Variants in KL observed in about 807,000 individuals in gnomAD.
KL encodes the protein alpha-klotho.
In KL, 62 loss-of-function variants were observed where a neutral mutation model predicts 84.2. The observed-to-expected ratio is 0.74, with a 90% CI of 0.60 to 0.91. KL has a LOEUF of 0.91. Among genes scored for constraint, KL ranks in the 40% least tolerant of loss-of-function variants. The pLI is 0.00. For missense variants in KL, 1,261 were observed against 1,305.7 expected (o/e 0.97, Z 0.53); for synonymous variants, 528 against 528.0 (o/e 1.00, Z 0.00).
Position 33,063,971 on chromosome 13 carries a change from A to C in KL, c.2824A>C (p.Lys942Gln), listed in dbSNP as rs767306568. Residue 942 changes from lysine (K) to glutamine (Q), a missense_variant, in exon 5 of 5, where the codon AAA becomes CAA. Lys to Gln is a moderately conservative substitution (Grantham distance 53). Coordinates refer to ENST00000380099, the MANE Select transcript of KL (RefSeq NM_004795.4). ...TCAGTTTGAGCCCAAGGCATCCATG[A>C]AACATTACAGGAAAATTATTGACAG... ...ADQFEPKASM[K>Q]HYRKIIDSNG... 58 of 1,614,066 alleles carry C rather than the reference A, an allele frequency of 3.6e-5. No homozygotes were observed. Among genetic ancestry groups the C allele is most frequent in the Non-Finnish European group, 4.7e-5 (56 of 1,180,038 alleles).
At chr13:33,020,601 C>T (rs1297412756) in intron 1 of KL, among the ~76,000 whole-genome samples, 2 of 152,144 alleles carry the variant, frequency 1.3e-5, no homozygotes. Flanking sequence ...ACTTTTTACT[C>T]TTCCAGTTGT....
rs761282786 is a variant in KL at position 33,061,747 on chromosome 13, T to C, written c.2668T>C (p.Tyr890His). 6.2e-7 allele frequency: 1 copy of C among 1,613,902 alleles called. No individual in the cohort carries two copies. Among genetic ancestry groups the C allele is most frequent in the Admixed American group, 1.7e-5 (1 of 59,992 alleles). Residue 890 changes from tyrosine to histidine, a missense_variant, in exon 4 of 5, where the codon TAT becomes CAT. Coordinates refer to ENST00000380099, the MANE Select transcript of KL (RefSeq NM_004795.4). ...HAEDDQLRVY[Y>H]MQNYINEALK... Reference sequence around the variant, plus strand: ...TGAGGACGACCAGCTGAGGGTGTATTATATGCAGAATTACATAAACGAAGC... The same window carrying C: ...TGAGGACGACCAGCTGAGGGTGTATCATATGCAGAATTACATAAACGAAGC...
At chr13:33,044,200 C>T (rs1343928547) in intron 1 of KL, among the ~76,000 whole-genome samples, 1 of 152,116 alleles carries the variant, frequency 6.6e-6, no homozygotes, top group South Asian at 2.1e-4. Context: ...TATCCTTATG[C>T]CAATATCACC....
rs568790896 is a variant in KL, at chr13:33,023,749, T to TCA, written c.819+6491_819+6492dup. On this transcript the variant is annotated intron_variant, in intron 1 of 4. Transcript: ENST00000380099. ...ATGTCACGTCATCCATGAACCGGTATCATTATAGCTTGATAAAATACTCAA... is the reference window on the plus strand; with the variant it reads ...ATGTCACGTCATCCATGAACCGGTATCACATTATAGCTTGATAAAATACTCAA... Among the ~76,000 whole-genome samples, 20 of 152,332 alleles carry TCA rather than the reference T, an allele frequency of 1.3e-4. No individual in the cohort carries two copies. The South Asian group carries it at 3.9e-3, about 30-fold the overall frequency.
At chr13:33,023,877 A>T (rs1359046018) in intron 1 of KL, among the ~76,000 whole-genome samples, 7 of 152,258 alleles carry the variant, frequency 4.6e-5, no homozygotes, top group Non-Finnish European at 7.3e-5. Flanking sequence ...TGTTAGAATC[A>T]GAAGGAATTT....
At chr13:33,032,547 TC>T (rs1336670627) in intron 1 of KL, among the ~76,000 whole-genome samples, 1 of 152,192 alleles carries the variant, frequency 6.6e-6, no homozygotes, top group African/African-American at 2.4e-5. Flanking sequence ...CCGGCAAGCA[TC>T]CCAAGAGAAC....
intron 1 of KL, among the ~76,000 whole-genome samples, chr13:33,025,230 A>C (rs1870727375): frequency 6.6e-6 from 1 of 152,210 alleles, no homozygotes. Context: ...GTACGGGAGC[A>C]GTCAGGGAAA....
chr13:33,044,237 A>G (rs1212175646), intron 1 of KL, among the ~76,000 whole-genome samples: 2 of 152,214 alleles, frequency 1.3e-5, no homozygotes, highest in Non-Finnish European at 2.9e-5. Flanking sequence ...TAGCTTTATA[A>G]TAAGTCTTGA....
At chr13:33,046,941 T>C (rs1871553555) in intron 1 of KL, among the ~76,000 whole-genome samples, 1 of 152,182 alleles carries the variant, frequency 6.6e-6, no homozygotes, top group African/African-American at 2.4e-5. Context: ...TTCCACGTAT[T>C]TGTGAATATT....
At position 33,061,391 on chromosome 13, in the gene KL, C is replaced by T. The variant is rs753028064; in HGVS notation, c.2312C>T (p.Pro771Leu). ...AEPIFGSGDY[P>L]WVMRDWLNQR... ...CCCATTTTCGGCTCTGGAGATTATC[C>T]ATGGGTGATGAGGGACTGGCTGAAC... The change falls in exon 4 of 5, where the codon CCA becomes CTA. Residue 771 changes from proline (P) to leucine (L), a missense_variant. Pro to Leu is a moderately conservative substitution (Grantham distance 98). Coordinates refer to ENST00000380099, the MANE Select transcript of KL (RefSeq NM_004795.4). The T allele has an allele frequency of 1.9e-6, 3 of 1,614,134 alleles. No individual in the cohort carries two copies. The highest frequency in any genetic ancestry group is 2.5e-6 in the Non-Finnish European group (3 of 1,180,028).
intron 3 of KL, among the ~76,000 whole-genome samples, chr13:33,058,749 G>T (rs1593810495): frequency 6.6e-6 from 1 of 151,510 alleles, no homozygotes; most frequent in Non-Finnish European, 1.5e-5. Flanking sequence ...AACAATCACG[G>T]TTAAAAAAAA....
chr13:33,058,394 G>A (rs1383317395), intron 3 of KL, among the ~76,000 whole-genome samples: 1 of 149,754 alleles, frequency 6.7e-6, no homozygotes, highest in African/African-American at 2.5e-5. Flanking sequence ...AGGCTGGAGT[G>A]CAGTGGCGTG....
intron 1 of KL, among the ~76,000 whole-genome samples, chr13:33,041,972 C>G (rs190920195): frequency 2.6e-5 from 4 of 152,192 alleles, no homozygotes; most frequent in South Asian, 2.1e-4. Flanking sequence ...ATGTAAGCTC[C>G]ATAAGAACAG....
At chr13:33,063,458 G>T (rs369247354) in intron 4 of KL, among the ~76,000 whole-genome samples, 7 of 151,960 alleles carry the variant, frequency 4.6e-5, no homozygotes, top group African/African-American at 1.7e-4. Context: ...AAATGGTATC[G>T]GAAACTTCCC....
At chr13:33,054,900 T>A in intron 2 of KL, 147 bp from the exon 3 acceptor site, 1 of 1,047,900 alleles carries the variant, frequency 9.5e-7, no homozygotes, top group Admixed American at 2.0e-5. Flanking sequence ...GATTAGAGTC[T>A]TTCGTCAAGA....
chr13:33,022,069 A>G (rs1870595371), intron 1 of KL, among the ~76,000 whole-genome samples: 1 of 152,232 alleles, frequency 6.6e-6, no homozygotes. Flanking sequence ...CCAAGAAAAA[A>G]TTTTAAAATA....
chr13:33,050,278 A>G (rs181876370), intron 1 of KL, among the ~76,000 whole-genome samples: 5 of 152,374 alleles, frequency 3.3e-5, no homozygotes, highest in Admixed American at 3.3e-4. Context: ...TAAGATTAAC[A>G]TACCAGGAAT....
At chr13:33,020,221 T>C (rs947862823) in intron 1 of KL, among the ~76,000 whole-genome samples, 8 of 152,206 alleles carry the variant, frequency 5.3e-5, no homozygotes, top group Admixed American at 4.6e-4. Context: ...TCTCAGCCCA[T>C]CTGTCTGCAA....
At chr13:33,049,762 A>G (rs1309731080) in intron 1 of KL, among the ~76,000 whole-genome samples, 2 of 152,204 alleles carry the variant, frequency 1.3e-5, no homozygotes, top group African/African-American at 4.8e-5. Context: ...GAGACTTTTA[A>G]TAACCATCAA....
Sources: gnomAD v4.1 joint callset for allele counts (sites outside exome capture counted in the v4.1 genomes callset) on GRCh38, gnomAD v4.1.1 for gene constraint, MANE v1.5 for transcripts, NCBI Gene and HGNC (gene_info 2026-07-23, HGNC 2026-07-21) for gene names.